Variants in LGALS12 observed in about 807,000 individuals in gnomAD.
LGALS12 encodes galectin-12.
A neutral mutation model predicts 36.8 loss-of-function variants in LGALS12; 36 were observed. The ratio of observed to expected loss-of-function variants is 0.98; its 90% CI spans 0.75 to 1.29. The LOEUF is 1.29. Among genes scored for constraint, LGALS12 ranks in the 50% most tolerant of loss-of-function variants. The probability of loss-of-function intolerance (pLI) is 0.00; values close to 1 mark genes in which losing one functional copy is unlikely to be tolerated. For synonymous variants in LGALS12, 145 were observed against 155.9 expected, an observed-to-expected ratio of 0.93 and a Z score of 0.52; for missense variants, 366 against 394.3, an observed-to-expected ratio of 0.93 and a Z score of 0.61.
chr11:63,511,912 T>C (rs2016937730), intron 7 of LGALS12, 72 bp downstream of exon 7: 1 of 942,940 alleles, frequency 1.1e-6, no homozygotes, highest in South Asian at 1.3e-5. Context: ...TAAAACATCA[T>C]CTCTTTTAAT....
chr11:63,512,788 CA>C lies in LGALS12; in HGVS notation c.647+964del, dbSNP rs35347135. Among the ~76,000 whole-genome samples the C allele has an allele frequency of 9.4e-3, 1,051 of 111,294 alleles. 12 individuals carry two copies. Among genetic ancestry groups the C allele is most frequent in the African/African-American group, 0.025 (774 of 31,322 alleles). 73.0% of individuals were successfully genotyped at this position (111,294 alleles called of 152,430 possible). A position where few individuals can be genotyped will look rare whatever the true frequency, so the allele number is the denominator to read the frequency against. ...TGGGCAATAGAGCAAGACTCCATCT[CA>C]AAAAAAAAAAAAAAAGATAGAGGGG... On this transcript the variant is annotated intron_variant, in intron 7 of 8. Coordinates refer to ENST00000394618, the MANE Select transcript of LGALS12 (RefSeq NM_033101.4).
chr11:63,510,607 C>T (rs2016889242), intron 5 of LGALS12, 106 bp downstream of exon 5: 11 of 1,042,828 alleles, frequency 1.1e-5, no homozygotes, highest in African/African-American at 1.6e-5. Flanking sequence ...CTCACTGCTG[C>T]GGTTGCCACG....
chr11:63,516,464 C>T lies in LGALS12; in HGVS notation c.*71C>T, dbSNP rs1259315150. ...ACTCCCAGGGCCCCACTCTCCTCCC[C>T]TCATTAAACCATCCACCTGACACCA... On this transcript the variant is annotated 3_prime_UTR_variant, in exon 9 of 9. Transcript: ENST00000394618. The T allele has an allele frequency of 3.9e-6, 6 of 1,554,276 alleles. No individual in the cohort carries two copies. The highest frequency in any genetic ancestry group is 1.7e-4 in the Middle Eastern group (1 of 5,948).
intron 4 of LGALS12, 48 bp from the exon 5 acceptor site, chr11:63,510,415 T>C (rs926246955): frequency 3.1e-6 from 5 of 1,596,492 alleles, no homozygotes; most frequent in Non-Finnish European, 4.3e-6. Context: ...AGGTAGGGGA[T>C]TGCAGTGGTC....
At chr11:63,516,181 G>A (rs1238842434) in intron 8 of LGALS12, 66 bp from the exon 9 acceptor site, 2 of 1,511,646 alleles carry the variant, frequency 1.3e-6, no homozygotes, top group Admixed American at 2.2e-5. Context: ...TCACTGGAGA[G>A]AGCGTCAGGC....
intron 4 of LGALS12, 132 bp from the exon 5 acceptor site, chr11:63,510,331 G>T: frequency 1.2e-6 from 1 of 843,776 alleles, no homozygotes. Flanking sequence ...ATGCCAGCAA[G>T]AAGCTACCAC....
intron 1 of LGALS12, 100 bp from the exon 2 acceptor site, chr11:63,508,453 A>C (rs1364843276): frequency 2.6e-6 from 4 of 1,515,570 alleles, no homozygotes; most frequent in Non-Finnish European, 3.5e-6. Context: ...GGAGAGGAAA[A>C]GTTGAGTTTT....
chr11:63,516,415 G>C lies in LGALS12; in HGVS notation c.*22G>C. 6.2e-7 allele frequency: 1 copy of C among 1,613,282 alleles called. No homozygotes were observed. Among genetic ancestry groups the C allele is most frequent in the South Asian group, 1.1e-5 (1 of 91,076 alleles). On this transcript the variant is annotated 3_prime_UTR_variant, in exon 9 of 9. Transcript: ENST00000394618. Reference sequence around the variant, plus strand: ...CTGAGGATGGTTCCAGGGAAATACCGCCAGAAAACAAGAAGGTCAGCCCAC... The same window carrying C: ...CTGAGGATGGTTCCAGGGAAATACCCCCAGAAAACAAGAAGGTCAGCCCAC...
At position 63,508,551 on chromosome 11, in the gene LGALS12, A is replaced by G; in HGVS notation, c.70-2A>G. On this transcript the variant is annotated splice_acceptor_variant, in intron 1 of 8. Coordinates refer to ENST00000394618, the MANE Select transcript of LGALS12 (RefSeq NM_033101.4). LOFTEE classifies it high-confidence loss of function. Reference sequence around the variant, plus strand: ...CATGGATGAGTTTCTTTTCTTGTTCAGGTGGTTCCTTATGTCACGACGATT... The same window carrying G: ...CATGGATGAGTTTCTTTTCTTGTTCGGGTGGTTCCTTATGTCACGACGATT... 6.2e-7 allele frequency: 1 copy of G among 1,614,052 alleles called. No homozygotes were observed. Among genetic ancestry groups the G allele is most frequent in the East Asian group, 2.2e-5 (1 of 44,858 alleles).
At chr11:63,516,118 G>A in intron 8 of LGALS12, 129 bp from the exon 9 acceptor site, 1 of 1,185,284 alleles carries the variant, frequency 8.4e-7, no homozygotes, top group African/African-American at 1.5e-5. Context: ...TTCCAGCACT[G>A]TACTGGGTGC....
intron 6 of LGALS12, among the ~76,000 whole-genome samples, chr11:63,511,349 A>G (rs1392397478): frequency 3.3e-5 from 5 of 152,020 alleles, no homozygotes; most frequent in Non-Finnish European, 5.9e-5. Flanking sequence ...GCTTCATTTT[A>G]CCTTTTCTCC....
Position 63,516,737 on chromosome 11 carries a change from T to C in LGALS12, c.*344T>C, listed in dbSNP as rs900089584. The C allele has an allele frequency of 3.9e-6, 1 of 255,046 alleles. No homozygotes were observed. The highest frequency in any genetic ancestry group is 7.6e-6 in the Non-Finnish European group (1 of 132,100). 15.8% of individuals were successfully genotyped at this position (255,046 alleles called of 1,614,324 possible). A position where few individuals can be genotyped will look rare whatever the true frequency, so the allele number is the denominator to read the frequency against. On this transcript the variant is annotated 3_prime_UTR_variant, in exon 9 of 9. Transcript: ENST00000394618. Reference sequence around the variant, plus strand: ...TGGTCATTTATTCTTTATTATTTATTTATTTGTGGTCAAATAAATAAATAA... The same window carrying C: ...TGGTCATTTATTCTTTATTATTTATCTATTTGTGGTCAAATAAATAAATAA...
chr11:63,515,418 T>A, intron 7 of LGALS12, 145 bp from the exon 8 acceptor site: 2 of 827,880 alleles, frequency 2.4e-6, no homozygotes, highest in Non-Finnish European at 3.8e-6. Context: ...CATGAGGCTG[T>A]CATAGGCCCT....
chr11:63,510,334 G>T (rs2016879813), intron 4 of LGALS12, 129 bp from the exon 5 acceptor site: 2 of 867,386 alleles, frequency 2.3e-6, no homozygotes, highest in East Asian at 5.0e-5. Context: ...CCAGCAAGAA[G>T]CTACCACTGA....
Position 63,508,894 on chromosome 11 carries a change from G to C in LGALS12, c.275G>C (p.Gly92Ala), listed in dbSNP as rs1239802935. 6 of 1,614,138 alleles carry C rather than the reference G, an allele frequency of 3.7e-6. No homozygotes were observed. The South Asian group carries it at 6.6e-5, about 18-fold the overall frequency. The part of the protein sequence containing the change: ...KPHVICNTLH[G>A]GRWQREARWP... ...CATGTCATCTGCAACACCCTGCATG[G>C]TGGACGCTGGCAAAGGGAGGCCCGG... Residue 92 changes from glycine to alanine, a missense_variant, in exon 3 of 9, where the codon GGT (glycine) becomes GCT (alanine). By Grantham distance (60) the Gly-to-Ala change is moderately conservative. Coordinates refer to ENST00000394618, the MANE Select transcript of LGALS12 (RefSeq NM_033101.4).
At position 63,511,664 on chromosome 11, in the gene LGALS12, C is replaced by T. The variant is rs2016925261; in HGVS notation, c.559-88C>T. 4 of 887,992 alleles carry T rather than the reference C, an allele frequency of 4.5e-6. No homozygotes were observed. In the East Asian group the frequency reaches 9.7e-5, roughly 22 times the overall value. 55.0% of individuals were successfully genotyped at this position (887,992 alleles called of 1,614,324 possible). A position where few individuals can be genotyped will look rare whatever the true frequency, so the allele number is the denominator to read the frequency against. On this transcript the variant is annotated intron_variant, in intron 6 of 8. Transcript: ENST00000394618. ...GGCAGGCCTGGGCAGAACATGCCTG[C>T]CCCAGTGCTCCCCTGGCCCCCGGGG...
rs1590648196 is a variant in LGALS12, at chr11:63,511,247, G to A, written c.558+142G>A. ...AAAACTGCAGGCTGTGGGTGGGCCAGGCAGCTTATGCCCCCAGCCGCATGA... is the reference window on the plus strand; with the variant it reads ...AAAACTGCAGGCTGTGGGTGGGCCAAGCAGCTTATGCCCCCAGCCGCATGA... On this transcript the variant is annotated intron_variant, in intron 6 of 8. Coordinates refer to ENST00000394618, the MANE Select transcript of LGALS12 (RefSeq NM_033101.4). 4 of 782,956 alleles carry A rather than the reference G, an allele frequency of 5.1e-6. No individual in the cohort carries two copies. In the East Asian group the frequency reaches 7.8e-5, roughly 15 times the overall value. The allele number at this position is 782,956 out of a possible 1,614,324, so 48.5% of individuals were successfully genotyped here.
At chr11:63,515,806 G>A in intron 8 of LGALS12, 93 bp downstream of exon 8, 1 of 1,400,914 alleles carries the variant, frequency 7.1e-7, no homozygotes, top group Non-Finnish European at 9.8e-7. Flanking sequence ...AGGTGTGCAG[G>A]ACAGATGTTA....
At chr11:63,509,492 G>A (rs2016850202) in intron 3 of LGALS12, among the ~76,000 whole-genome samples, 4 of 152,150 alleles carry the variant, frequency 2.6e-5, no homozygotes, top group South Asian at 2.1e-4. Context: ...GTTTCCTCAC[G>A]TAAATGGAGC....
Sources: gnomAD v4.1 joint callset for allele counts (sites outside exome capture counted in the v4.1 genomes callset) on GRCh38, gnomAD v4.1.1 for gene constraint, MANE v1.5 for transcripts, NCBI Gene and HGNC (gene_info 2026-07-23, HGNC 2026-07-21) for gene names.